CHFR: variants seen among roughly 807,000 people sequenced by gnomAD.
The protein encoded by CHFR is E3 ubiquitin-protein ligase CHFR.
CHFR carries 57 observed loss-of-function variants against 87.6 expected under a neutral mutation model. That is an observed-to-expected ratio of 0.65 (90% CI 0.53 to 0.81). The LOEUF (loss-of-function observed/expected upper bound fraction) is 0.81, where lower values mean the gene tolerates loss of function less well. CHFR is among the 30% of genes least tolerant of loss of function. CHFR has a pLI of 0.00. For synonymous variants in CHFR, 381 were observed against 359.2 expected (o/e 1.06, Z -0.69); for missense variants, 797 against 865.8 (o/e 0.92, Z 1.00).
At position 132,842,890 on chromosome 12, in the gene CHFR, T is replaced by C. The variant is rs1452505235; in HGVS notation, c.1916+121A>G. 1.2e-5 allele frequency: 9 copies of C among 778,282 alleles called. No homozygotes were observed. In the East Asian group the frequency reaches 1.9e-4, roughly 16 times the overall value. 48.2% of individuals were successfully genotyped at this position (778,282 alleles called of 1,614,324 possible). ...GAAGAGCAGGATTTCTAAATGAAGA[T>C]ACCGGTTCCTAAAGGATGCAACCTG... On this transcript the variant is annotated intron_variant, in intron 17 of 17. Coordinates refer to ENST00000450056, the MANE Select transcript of CHFR (RefSeq NM_001161346.2).
chr12:132,856,977 C>T (rs1227594238), intron 9 of CHFR, among the ~76,000 whole-genome samples: 2 of 147,828 alleles, frequency 1.4e-5, no homozygotes, highest in Non-Finnish European at 3.0e-5. Context: ...GAGGGACCAC[C>T]CTCACGTGCC....
intron 17 of CHFR, among the ~76,000 whole-genome samples, chr12:132,842,019 A>G (rs543404161): frequency 1.3e-5 from 2 of 151,874 alleles, no homozygotes; most frequent in East Asian, 3.9e-4. Flanking sequence ...CTGAGGCAAA[A>G]GAATTGCTTG....
intron 6 of CHFR, among the ~76,000 whole-genome samples, chr12:132,862,062 C>G (rs982978555): frequency 1.3e-5 from 2 of 152,158 alleles, no homozygotes; most frequent in Non-Finnish European, 2.9e-5. Context: ...CACCTGAGGT[C>G]AGGAGGTCGA....
intron 6 of CHFR, 46 bp from the exon 7 acceptor site, chr12:132,861,680 G>A: frequency 6.3e-7 from 1 of 1,581,660 alleles, no homozygotes; most frequent in South Asian, 1.1e-5. Context: ...ATCCAGCTCA[G>A]GAGAGAACCA....
At chr12:132,868,119 T>C (rs1287246736) in intron 6 of CHFR, among the ~76,000 whole-genome samples, 1 of 152,116 alleles carries the variant, frequency 6.6e-6, no homozygotes, top group Non-Finnish European at 1.5e-5. Flanking sequence ...AGTCATGCCG[T>C]AAGGAACAGC....
chr12:132,870,488 G>A (rs906322796), intron 5 of CHFR, among the ~76,000 whole-genome samples: 4 of 147,160 alleles, frequency 2.7e-5, no homozygotes, highest in African/African-American at 5.0e-5. Context: ...CCGAGATCGC[G>A]CCACTGCACT....
intron 11 of CHFR, 54 bp from the exon 12 acceptor site, chr12:132,851,791 G>A: frequency 1.9e-6 from 3 of 1,568,984 alleles, no homozygotes; most frequent in Non-Finnish European, 2.6e-6. Context: ...CAGAAAGACA[G>A]CAGGTTAGAG....
intron 11 of CHFR, 28 bp from the exon 12 acceptor site, chr12:132,851,765 C>A: frequency 6.3e-7 from 1 of 1,594,902 alleles, no homozygotes; most frequent in Non-Finnish European, 8.6e-7. Flanking sequence ...TCAGCCGGAG[C>A]ACGTGGGACC....
intron 15 of CHFR, among the ~76,000 whole-genome samples, chr12:132,845,872 TTTC>T (rs1950811026): frequency 6.6e-6 from 1 of 152,166 alleles, no homozygotes; most frequent in South Asian, 2.1e-4. Flanking sequence ...CACACAAATG[TTTC>T]TTATGATTAG....
At position 132,857,456 on chromosome 12, in the gene CHFR, T is replaced by C. The variant is rs1951107709; in HGVS notation, c.1015A>G (p.Lys339Glu). ...TCRCPVERIC[K>E]NHILNNLVEA... ...ACGAGGTTGTTGAGGATGTGGTTTT[T>C]ACAGATCCGCTCCACGGGACAGCGG... The change falls in exon 9 of 18, where the codon AAA (lysine) becomes GAA (glutamate). Residue 339 changes from lysine (K) to glutamate (E), a missense_variant. Lys to Glu is a moderately conservative substitution (Grantham distance 56). This residue lies in a region of CHFR where 597 missense variants were observed against 601.2 expected (regional missense o/e 0.99). Transcript: ENST00000450056. The C allele has an allele frequency of 6.2e-7, 1 of 1,614,198 alleles. No individual in the cohort carries two copies. The highest frequency in any genetic ancestry group is 1.1e-5 in the South Asian group (1 of 91,088).
intron 3 of CHFR, among the ~76,000 whole-genome samples, chr12:132,874,209 T>C (rs576320121): frequency 6.6e-6 from 1 of 152,364 alleles, no homozygotes; most frequent in African/African-American, 2.4e-5. Flanking sequence ...TTAAATCCAT[T>C]AAGCTTGTGG....
intron 14 of CHFR, chr12:132,847,580 G>T: frequency 6.6e-6 from 7 of 1,065,734 alleles, no homozygotes; most frequent in Non-Finnish European, 8.0e-6. Flanking sequence ...CCTGCCAGGT[G>T]TGTCTGTGGC....
In CHFR at chr12:132,853,514, G is replaced by C. The variant is rs1270421677; in HGVS notation, c.1289C>G (p.Pro430Arg). Residue 430 changes from proline to arginine, a missense_variant, in exon 11 of 18, where the codon CCC (proline) becomes CGC (arginine). Pro to Arg is a moderately radical substitution (Grantham distance 103). Around this residue, in one of 2 missense-constraint regions of CHFR, gnomAD observed 597 missense variants for 601.2 expected, o/e 0.99. Transcript: ENST00000450056. ...CTCGCCCTCGGGTGCTGGGCAGTGG[G>C]GAGGCTGCGCCGCCTGCCTTCTGTA... ...PEYRRQAAQP[P>R]HCPAPEGEPG... is the part of the protein sequence containing the mutation. 6.5e-7 allele frequency: 1 copy of C among 1,531,342 alleles called. No individual in the cohort carries two copies. The highest frequency in any genetic ancestry group is 1.4e-5 in the African/African-American group (1 of 71,600). 94.9% of individuals were successfully genotyped at this position (1,531,342 alleles called of 1,614,324 possible).
chr12:132,885,503 T>G (rs934404775), intron 2 of CHFR, among the ~76,000 whole-genome samples: 3 of 152,274 alleles, frequency 2.0e-5, no homozygotes, highest in Admixed American at 2.0e-4. Flanking sequence ...GCTATGGTAG[T>G]ATGAACAAAC....
rs15638 is a variant in CHFR, at chr12:132,840,776, C to T, written c.*778G>A. The T allele has an allele frequency of 0.81, 106,993 of 132,818 alleles. 45,258 individuals are homozygous for T. The highest frequency in any genetic ancestry group is 0.97 in the Non-Finnish European group (55,966 of 57,620). The allele number at this position is 132,818 out of a possible 1,614,324, so 8.2% of individuals were successfully genotyped here. Reference sequence around the variant, plus strand: ...GCGTCCAGCCCCAGGCTCGGGGCCGCGGTCACTCACACAAGGGAGCAGCAT... The same window carrying T: ...GCGTCCAGCCCCAGGCTCGGGGCCGTGGTCACTCACACAAGGGAGCAGCAT... On this transcript the variant is annotated 3_prime_UTR_variant, in exon 18 of 18. Coordinates refer to ENST00000450056, the MANE Select transcript of CHFR (RefSeq NM_001161346.2).
chr12:132,874,424 G>A (rs193183619), intron 3 of CHFR, among the ~76,000 whole-genome samples: 88 of 150,414 alleles, frequency 5.9e-4, no homozygotes, highest in African/African-American at 2.0e-3. Flanking sequence ...AGCACCCAGC[G>A]CGGGGAAGCC....
rs371092913 is a variant in CHFR, at chr12:132,848,677, G to A, written c.1540C>T (p.Arg514Trp). ...GCCAGGCAGCCGTAGCAGCCGGTCCGGGTGCAGCCCCAGTACAGGTGGCAG... is the reference window on the plus strand; with the variant it reads ...GCCAGGCAGCCGTAGCAGCCGGTCCAGGTGCAGCCCCAGTACAGGTGGCAG... ...PFCHLYWGCT[R>W]TGCYGCLAPF... is the part of the protein sequence containing the mutation. The change falls in exon 13 of 18, where the codon CGG becomes TGG. Residue 514 changes from arginine to tryptophan, a missense_variant. By Grantham distance (101) the Arg-to-Trp change is moderately radical. Transcript: ENST00000450056. 2.5e-5 allele frequency: 40 copies of A among 1,596,856 alleles called. No homozygotes were observed. Among genetic ancestry groups the A allele is most frequent in the African/African-American group, 5.4e-5 (4 of 74,620 alleles).
At chr12:132,841,703 C>T (rs1950706782) in intron 17 of CHFR, 107 bp from the exon 18 acceptor site, 1 of 904,016 alleles carries the variant, frequency 1.1e-6, no homozygotes, top group African/African-American at 1.6e-5. Context: ...CATTCGGAAA[C>T]CATACACAGA....
At position 132,870,803 on chromosome 12, in the gene CHFR, AT is replaced by A; in HGVS notation, c.344-21del. On this transcript the variant is annotated intron_variant, in intron 4 of 17. Transcript: ENST00000450056. Reference sequence around the variant, plus strand: ...CCACGTCTAAAAGAAAATCAATCAAATCAGAAAAGTGGTGGCCCCTGTGCAA... The same window carrying A: ...CCACGTCTAAAAGAAAATCAATCAAACAGAAAAGTGGTGGCCCCTGTGCAA... The A allele has an allele frequency of 6.4e-7, 1 of 1,562,688 alleles. No homozygotes were observed. The highest frequency in any genetic ancestry group is 2.3e-5 in the East Asian group (1 of 44,412).
Sources: allele counts gnomAD v4.1 joint callset (sites outside exome capture counted in the v4.1 genomes callset), GRCh38; gene constraint gnomAD v4.1.1; regional missense constraint gnomAD v4.1.1; transcripts MANE v1.5; gene names NCBI Gene and HGNC (gene_info 2026-07-23, HGNC 2026-07-21).